Variants in CYRIB observed in about 807,000 individuals in gnomAD.
The protein encoded by CYRIB is CYFIP-related Rac1 interactor B.
In CYRIB, 8 loss-of-function variants were observed where a neutral mutation model predicts 44.2. The ratio of observed to expected loss-of-function variants is 0.18; its 90% CI spans 0.11 to 0.33. The LOEUF (loss-of-function observed/expected upper bound fraction) is 0.33. Ranked by LOEUF, CYRIB falls within the 10% of genes least tolerant of loss-of-function variation. The probability of loss-of-function intolerance (pLI) is 1.00; values close to 1 mark genes in which losing one functional copy is unlikely to be tolerated. For missense variants in CYRIB, 185 were observed against 382.8 expected, an observed-to-expected ratio of 0.48 and a Z score of 4.31; for synonymous variants, 131 against 127.2, an observed-to-expected ratio of 1.03 and a Z score of -0.20.
At chr8:130,015,590 C>T (rs1248680624) in intron 1 of CYRIB, among the ~76,000 whole-genome samples, 1 of 152,162 alleles carries the variant, frequency 6.6e-6, no homozygotes, top group Non-Finnish European at 1.5e-5. Flanking sequence ...GTAGCAAAGG[C>T]ACACTCCAAG....
At chr8:129,939,626 G>C (rs370007370) in exon 1 of CYRIB, 4 of 152,472 alleles carry the variant, frequency 2.6e-5, no homozygotes, top group African/African-American at 9.6e-5. Flanking sequence ...CGAGCCTCCA[G>C]GCGCTCTCAG....
chr8:129,853,707 A>C (rs1484135310), intron 7 of CYRIB, among the ~76,000 whole-genome samples: 1 of 152,240 alleles, frequency 6.6e-6, no homozygotes, highest in East Asian at 1.9e-4. Flanking sequence ...AGAAGTTAAG[A>C]GACCTAAAGA....
intron 8 of CYRIB, chr8:129,851,886 A>T (rs962865394): frequency 6.4e-5 from 20 of 311,034 alleles, no homozygotes; most frequent in Non-Finnish European, 1.1e-4. Flanking sequence ...TGAGAAAGCA[A>T]AAACTAAAGA....
intron 1 of CYRIB, among the ~76,000 whole-genome samples, chr8:129,985,128 G>A (rs190309997): frequency 6.1e-4 from 93 of 152,342 alleles, no homozygotes; most frequent in African/African-American, 2.1e-3. Flanking sequence ...CCACTCAGTA[G>A]CTGGGTGATC....
intron 4 of CYRIB, chr8:129,864,838 T>A (rs771812248): frequency 1.9e-5 from 8 of 431,422 alleles, no homozygotes; most frequent in African/African-American, 6.2e-5. Flanking sequence ...CACGTACACA[T>A]TTTTGAGGTT....
chr8:129,898,774 C>T (rs1169044570), intron 2 of CYRIB, among the ~76,000 whole-genome samples: 1 of 152,120 alleles, frequency 6.6e-6, no homozygotes, highest in East Asian at 1.9e-4. Context: ...GTATCTCTTA[C>T]AGTGCTAAAA....
intron 5 of CYRIB, 114 bp from the exon 8 acceptor site, chr8:129,855,861 C>T: frequency 1.0e-6 from 1 of 962,192 alleles, no homozygotes; most frequent in Non-Finnish European, 1.5e-6. Flanking sequence ...CTTTAAAAAA[C>T]AGATGATCTA....
chr8:129,937,045 C>T (rs1419383681), intron 1 of CYRIB, among the ~76,000 whole-genome samples: 8 of 152,204 alleles, frequency 5.3e-5, no homozygotes, highest in Admixed American at 5.2e-4. Flanking sequence ...GAAAAAACTA[C>T]AGCTCAGGGC....
intron 3 of CYRIB, among the ~76,000 whole-genome samples, chr8:129,876,162 C>T (rs1020578941): frequency 6.6e-6 from 1 of 151,722 alleles, no homozygotes; most frequent in Non-Finnish European, 1.5e-5. Context: ...CTACTCCCTG[C>T]CATTTAAAGT....
exon 5 of CYRIB, chr8:129,862,248 G>A (rs747855878): frequency 1.9e-5 from 30 of 1,612,822 alleles, no homozygotes; most frequent in Non-Finnish European, 2.3e-5. Context: ...GAGAAAATTC[G>A]TAAAATTTCT....
chr8:129,993,619 C>T (rs1447888120), intron 1 of CYRIB, among the ~76,000 whole-genome samples: 1 of 151,960 alleles, frequency 6.6e-6, no homozygotes, highest in Non-Finnish European at 1.5e-5. Context: ...ATCGCTGGAA[C>T]CCAGGAGGCG....
intron 2 of CYRIB, among the ~76,000 whole-genome samples, chr8:129,897,346 T>C (rs917378468): frequency 6.6e-6 from 1 of 152,154 alleles, no homozygotes; most frequent in Non-Finnish European, 1.5e-5. Flanking sequence ...ACATGAATTC[T>C]ACCCTCGAAA....
At chr8:129,920,359 A>G (rs2082945123) in intron 1 of CYRIB, among the ~76,000 whole-genome samples, 1 of 152,148 alleles carries the variant, frequency 6.6e-6, no homozygotes, top group Admixed American at 6.5e-5. Flanking sequence ...AATATATCAT[A>G]TCAGATAGGT....
intron 2 of CYRIB, among the ~76,000 whole-genome samples, chr8:129,960,962 AAAAGAAAG>A (rs567122078): frequency 2.0e-5 from 3 of 149,908 alleles, no homozygotes; most frequent in Admixed American, 1.3e-4. Context: ...AAAAAAAAAA[AAAAGAAAG>A]AAAGAAAGAA....
At chr8:129,867,287 CTT>C (rs747961490) in intron 4 of CYRIB, among the ~76,000 whole-genome samples, 10 of 131,084 alleles carry the variant, frequency 7.6e-5, no homozygotes, top group African/African-American at 1.1e-4. Flanking sequence ...CCACACCTGG[CTT>C]TTTTTTTTTT....
At chr8:130,009,899 TTTG>T (rs1309308274) in intron 1 of CYRIB, among the ~76,000 whole-genome samples, 1 of 152,138 alleles carries the variant, frequency 6.6e-6, no homozygotes, top group African/African-American at 2.4e-5. Flanking sequence ...TGCAATAGGC[TTTG>T]TTGAGTGAGC....
chr8:129,944,203 G>A (rs1326569245), upstream of CYRIB, among the ~76,000 whole-genome samples: 1 of 152,178 alleles, frequency 6.6e-6, no homozygotes. Context: ...GTGGTAGGGA[G>A]AACAGAGGGC....
At chr8:129,913,102 G>A (rs1327884965) in intron 1 of CYRIB, among the ~76,000 whole-genome samples, 2 of 151,594 alleles carry the variant, frequency 1.3e-5, no homozygotes, top group African/African-American at 2.4e-5. Context: ...CTCCCACGTA[G>A]CTGGGACTAC....
intron 3 of CYRIB, among the ~76,000 whole-genome samples, chr8:129,875,349 G>GCA (rs559916628): frequency 6.6e-6 from 1 of 151,676 alleles, no homozygotes; most frequent in African/African-American, 2.4e-5. Context: ...CACTGCAAGG[G>GCA]CACACATCAC....
Sources: allele counts gnomAD v4.1 joint callset (sites outside exome capture counted in the v4.1 genomes callset), GRCh38; gene constraint gnomAD v4.1.1; transcripts MANE v1.5; gene names NCBI Gene and HGNC (gene_info 2026-07-23, HGNC 2026-07-21).